The following ITFG1 variants were observed in gnomAD, a reference collection of about 807,000 sequenced individuals.
The protein encoded by ITFG1 is T-cell immunomodulatory protein.
A neutral mutation model predicts 81.8 loss-of-function variants in ITFG1; 34 were observed. The ratio of observed to expected loss-of-function variants is 0.42; its 90% CI spans 0.32 to 0.55. The LOEUF is 0.55. ITFG1 is among the 20% of genes least tolerant of loss of function. The probability of loss-of-function intolerance (pLI) is 0.17; values close to 1 mark genes in which losing one functional copy is unlikely to be tolerated. For synonymous variants in ITFG1, 285 were observed against 270.6 expected, an observed-to-expected ratio of 1.05 and a Z score of -0.52; for missense variants, 672 against 755.4, an observed-to-expected ratio of 0.89 and a Z score of 1.29.
At chr16:47,455,001 G>T (rs937799859) in intron 2 of ITFG1, among the ~76,000 whole-genome samples, 5 of 152,160 alleles carry the variant, frequency 3.3e-5, no homozygotes, top group Admixed American at 2.0e-4. Context: ...GAACCAAGTG[G>T]TGTATTTCTG....
At chr16:47,433,770 A>AATATAT (rs59030134) in intron 5 of ITFG1, among the ~76,000 whole-genome samples, 2,145 of 124,454 alleles carry the variant, frequency 0.017, 107 homozygotes, top group African/African-American at 0.065. Context: ...ATAAAAACTG[A>AATATAT]ATATATATAT....
At chr16:47,350,791 T>C (rs895999550) in intron 8 of ITFG1, among the ~76,000 whole-genome samples, 1 of 152,198 alleles carries the variant, frequency 6.6e-6, no homozygotes, top group Non-Finnish European at 1.5e-5. Flanking sequence ...ATATCCCTGA[T>C]GAGCATCGAT....
chr16:47,314,359 TTAAACG>T (rs978214152), intron 8 of ITFG1, among the ~76,000 whole-genome samples: 1 of 152,158 alleles, frequency 6.6e-6, no homozygotes, highest in African/African-American at 2.4e-5. Flanking sequence ...ACAGAGTATT[TTAAACG>T]TGAGACTCTT....
intron 10 of ITFG1, among the ~76,000 whole-genome samples, chr16:47,297,079 T>C (rs1460201748): frequency 6.6e-6 from 1 of 152,186 alleles, no homozygotes; most frequent in East Asian, 1.9e-4. Flanking sequence ...TGTAGTAATA[T>C]TTGTTTTATG....
intron 12 of ITFG1, among the ~76,000 whole-genome samples, chr16:47,252,025 G>GT (rs1966082685): frequency 6.6e-6 from 1 of 152,156 alleles, no homozygotes; most frequent in African/African-American, 2.4e-5. Flanking sequence ...AGTGTTAACA[G>GT]TAAGAGCAAG....
At chr16:47,263,886 C>G (rs1966242674) in intron 10 of ITFG1, among the ~76,000 whole-genome samples, 1 of 152,140 alleles carries the variant, frequency 6.6e-6, no homozygotes, top group Non-Finnish European at 1.5e-5. Context: ...CGTAACAGTT[C>G]AGTTCTTTAA....
At chr16:47,345,636 C>A (rs1430967788) in intron 8 of ITFG1, among the ~76,000 whole-genome samples, 2 of 152,150 alleles carry the variant, frequency 1.3e-5, no homozygotes, top group African/African-American at 2.4e-5. Flanking sequence ...CAAATTTGTG[C>A]TGAGCTGTAT....
At chr16:47,248,901 TCTA>T (rs1351096400) in intron 12 of ITFG1, among the ~76,000 whole-genome samples, 1 of 152,202 alleles carries the variant, frequency 6.6e-6, no homozygotes, top group Non-Finnish European at 1.5e-5. Context: ...ATTCTAGCCT[TCTA>T]CTATTTGTGT....
intron 14 of ITFG1, among the ~76,000 whole-genome samples, chr16:47,190,642 A>G (rs1381950728): frequency 1.3e-5 from 2 of 152,140 alleles, no homozygotes; most frequent in African/African-American, 4.8e-5. Context: ...TCCCGAACAT[A>G]TGTCTTTATC....
chr16:47,329,881 T>A (rs567594667), intron 8 of ITFG1, among the ~76,000 whole-genome samples: 1 of 152,066 alleles, frequency 6.6e-6, no homozygotes. Flanking sequence ...TCTTGGCACA[T>A]AAGAGCTAAA....
rs1487478168 is a variant in ITFG1, at chr16:47,314,969, T to G, written c.803-1146A>C. 2.6e-5 allele frequency among the ~76,000 whole-genome samples: 4 copies of G among 152,196 alleles called. No individual in the cohort carries two copies. The East Asian group carries it at 7.7e-4, about 29-fold the overall frequency. On this transcript the variant is annotated intron_variant, in intron 8 of 17. Transcript: ENST00000320640. ...TGTATTCAAAAGGAAAAAAAAAGAA[T>G]TTTAGGCTGAGTGGAATTAAAATCT... is the stretch of plus-strand genomic sequence containing the variant.
At chr16:47,271,352 T>G (rs1202263723) in intron 10 of ITFG1, among the ~76,000 whole-genome samples, 1 of 152,126 alleles carries the variant, frequency 6.6e-6, no homozygotes, top group Non-Finnish European at 1.5e-5. Context: ...GGCCAACAAG[T>G]ACGTGAAGAA....
At chr16:47,355,391 G>T (rs944507891) in intron 8 of ITFG1, among the ~76,000 whole-genome samples, 1 of 152,098 alleles carries the variant, frequency 6.6e-6, no homozygotes, top group Non-Finnish European at 1.5e-5. Context: ...CTGGGGAGAG[G>T]ATATGGAGAG....
At chr16:47,333,612 C>T (rs1596904146) in intron 8 of ITFG1, among the ~76,000 whole-genome samples, 1 of 152,012 alleles carries the variant, frequency 6.6e-6, no homozygotes, top group East Asian at 1.9e-4. Context: ...ATAAAATGGC[C>T]ACATAACTTT....
intron 13 of ITFG1, among the ~76,000 whole-genome samples, chr16:47,230,153 A>G (rs1965799425): frequency 6.6e-6 from 1 of 152,130 alleles, no homozygotes; most frequent in Non-Finnish European, 1.5e-5. Context: ...GGACTATTGT[A>G]TATATAGTGA....
Position 47,309,155 on chromosome 16 carries a change from G to C in ITFG1, c.1070+2085C>G, listed in dbSNP as rs566817021. Among the ~76,000 whole-genome samples the C allele has an allele frequency of 2.0e-5, 3 of 146,384 alleles. No homozygotes were observed. The East Asian group carries it at 6.1e-4, about 30-fold the overall frequency. ...GTGATCTTGGCTCACTGCAACCTCT[G>C]CCTCCTGGGTTCAAGTGATTCTCCT... On this transcript the variant is annotated intron_variant, in intron 10 of 17. Transcript: ENST00000320640.
At chr16:47,399,186 C>T (rs532865082) in intron 6 of ITFG1, among the ~76,000 whole-genome samples, 5 of 152,304 alleles carry the variant, frequency 3.3e-5, no homozygotes, top group South Asian at 4.2e-4. Context: ...TTCTACTAAG[C>T]GAATTTTTAC....
chr16:47,161,854 A>AT (rs754587677), intron 15 of ITFG1, 22 bp from the exon 16 acceptor site: 2 of 1,344,342 alleles, frequency 1.5e-6, no homozygotes, highest in South Asian at 2.3e-5. Flanking sequence ...ATTTAAGAAC[A>AT]TTTAACATTC....
chr16:47,287,625 A>G (rs1422478701), intron 10 of ITFG1, among the ~76,000 whole-genome samples: 2 of 150,748 alleles, frequency 1.3e-5, no homozygotes, highest in African/African-American at 4.9e-5. Context: ...CTGGTCTTGA[A>G]CTCCTGGGCT....
Sources: allele counts gnomAD v4.1 joint callset (sites outside exome capture counted in the v4.1 genomes callset), GRCh38; gene constraint gnomAD v4.1.1; transcripts MANE v1.5; gene names NCBI Gene and HGNC (gene_info 2026-07-23, HGNC 2026-07-21).